Variants in FAM135B observed in about 807,000 individuals in gnomAD.
FAM135B encodes protein FAM135B.
A neutral mutation model predicts 127.7 loss-of-function variants in FAM135B; 43 were observed. The ratio of observed to expected loss-of-function variants is 0.34; its 90% confidence interval spans 0.26 to 0.43. The LOEUF is 0.43. FAM135B is among the 20% of genes least tolerant of loss of function. The probability of loss-of-function intolerance (pLI) is 1.00; values close to 1 mark genes in which losing one functional copy is unlikely to be tolerated. For missense variants in FAM135B, 1,558 were observed against 1,725.6 expected, an observed-to-expected ratio of 0.90 and a Z score of 1.72; for synonymous variants, 670 against 665.1, an observed-to-expected ratio of 1.01 and a Z score of -0.11.
At chr8:138,431,917 T>G (rs1259604694) in intron 1 of FAM135B, among the ~76,000 whole-genome samples, 1 of 152,196 alleles carries the variant, frequency 6.6e-6, no homozygotes, top group Admixed American at 6.5e-5. Context: ...AATGCCTCTC[T>G]TGGGAGGAAA....
chr8:138,212,488 TG>T (rs1427558053), intron 7 of FAM135B, among the ~76,000 whole-genome samples: 1 of 152,246 alleles, frequency 6.6e-6, no homozygotes, highest in Non-Finnish European at 1.5e-5. Flanking sequence ...CAAACACAGC[TG>T]CCCCTCTGCC....
intron 1 of FAM135B, among the ~76,000 whole-genome samples, chr8:138,377,930 T>C (rs1004497946): frequency 5.9e-5 from 9 of 152,222 alleles, no homozygotes; most frequent in African/African-American, 2.2e-4. Context: ...TGCTCAGTGT[T>C]CCAGGCAAAC....
intron 4 of FAM135B, among the ~76,000 whole-genome samples, chr8:138,261,509 C>A (rs551176280): frequency 6.0e-4 from 92 of 152,286 alleles, no homozygotes; most frequent in African/African-American, 2.1e-3. Flanking sequence ...TTTACCCCAG[C>A]CTTTATTTTC....
At chr8:138,172,238 C>T (rs1427566423) in intron 11 of FAM135B, among the ~76,000 whole-genome samples, 1 of 152,144 alleles carries the variant, frequency 6.6e-6, no homozygotes, top group Non-Finnish European at 1.5e-5. Context: ...TCTGACTCTC[C>T]AAGGCTCTGA....
intron 1 of FAM135B, among the ~76,000 whole-genome samples, chr8:138,401,673 G>A (rs896326094): frequency 1.3e-5 from 2 of 152,322 alleles, no homozygotes; most frequent in East Asian, 3.9e-4. Context: ...GAAAAGCAAT[G>A]GATGAGAATC....
chr8:138,424,415 G>A (rs1834719621), intron 1 of FAM135B, among the ~76,000 whole-genome samples: 1 of 152,174 alleles, frequency 6.6e-6, no homozygotes, highest in African/African-American at 2.4e-5. Flanking sequence ...TCCCACAACA[G>A]TGAGAAAGAC....
intron 4 of FAM135B, among the ~76,000 whole-genome samples, chr8:138,264,380 A>T (rs918600837): frequency 6.6e-6 from 1 of 152,222 alleles, no homozygotes; most frequent in East Asian, 1.9e-4. Context: ...AGTCTTGCAC[A>T]GCAGGACCAT....
intron 3 of FAM135B, among the ~76,000 whole-genome samples, chr8:138,280,298 C>CCTAG (rs2130735557): frequency 1.3e-5 from 2 of 152,318 alleles, no homozygotes; most frequent in East Asian, 3.9e-4. Flanking sequence ...GCTCTAGTAT[C>CCTAG]AGTGAACACC....
intron 2 of FAM135B, among the ~76,000 whole-genome samples, chr8:138,339,398 A>G (rs938409525): frequency 4.1e-5 from 6 of 147,290 alleles, no homozygotes; most frequent in East Asian, 4.1e-4. Context: ...AAAATCTCCA[A>G]TGTAAACTAT....
intron 1 of FAM135B, among the ~76,000 whole-genome samples, chr8:138,445,283 A>AT (rs1836063998): frequency 2.0e-5 from 3 of 152,224 alleles, no homozygotes; most frequent in Non-Finnish European, 4.4e-5. Context: ...AAAAGAGGGA[A>AT]TCCTCCCTAA....
At chr8:138,305,812 A>G (rs747893946) in intron 3 of FAM135B, among the ~76,000 whole-genome samples, 5 of 152,198 alleles carry the variant, frequency 3.3e-5, no homozygotes, top group African/African-American at 4.8e-5. Context: ...TAGAAATAAG[A>G]CAGACCAAAT....
Position 138,151,217 on chromosome 8 carries a change from C to T in FAM135B, c.3258G>A (p.Glu1086=), listed in dbSNP as rs748971592. ...ACCTAAACATCCTCTCACTGACTTCCTCATCCAACGTGCTGGAATGGGTAG... is the reference window on the plus strand; with the variant it reads ...ACCTAAACATCCTCTCACTGACTTCTTCATCCAACGTGCTGGAATGGGTAG... The part of the protein sequence containing the change: ...VVSTHSSTLD[E]EVSERMFSFY... The change falls in exon 13 of 20, where the codon GAG becomes GAA. Residue 1086 remains glutamate (E), a synonymous_variant. Coordinates refer to ENST00000395297, the MANE Select transcript of FAM135B (RefSeq NM_015912.4). 5.8e-5 allele frequency: 90 copies of T among 1,543,456 alleles called. 1 individual carries two copies. In the South Asian group the frequency reaches 1.1e-3, roughly 19 times the overall value.
chr8:138,497,029 C>A lies in FAM135B; in HGVS notation c.-378G>T, dbSNP rs1230959216. 6.6e-6 allele frequency among the ~76,000 whole-genome samples: 1 copy of A among 151,890 alleles called. No individual in the cohort carries two copies. Among genetic ancestry groups the A allele is most frequent in the Non-Finnish European group, 1.5e-5 (1 of 67,924 alleles). On this transcript the variant is annotated 5_prime_UTR_variant, in exon 1 of 20. Transcript: ENST00000395297. ...GTCAGCGCGGTCGGGGGAACGCAGC[C>A]GCCAGCGCCGCAAGAAAGCAAGGAC...
intron 12 of FAM135B, among the ~76,000 whole-genome samples, chr8:138,163,741 C>A (rs577349666): frequency 1.3e-5 from 2 of 152,204 alleles, no homozygotes; most frequent in Admixed American, 1.3e-4. Context: ...ATGTCTTTAT[C>A]AACAGCATGA....
chr8:138,372,648 C>T (rs543994153), intron 1 of FAM135B, among the ~76,000 whole-genome samples: 5 of 152,190 alleles, frequency 3.3e-5, no homozygotes, highest in African/African-American at 9.6e-5. Context: ...TATTAACATA[C>T]ATAAGGCACT....
intron 9 of FAM135B, among the ~76,000 whole-genome samples, chr8:138,183,477 T>G (rs1248940650): frequency 6.6e-6 from 1 of 152,226 alleles, no homozygotes; most frequent in Non-Finnish European, 1.5e-5. Flanking sequence ...TACAACAGCA[T>G]GCTCACAGGT....
At chr8:138,428,924 C>G (rs1302864312) in intron 1 of FAM135B, among the ~76,000 whole-genome samples, 3 of 152,168 alleles carry the variant, frequency 2.0e-5, no homozygotes, top group African/African-American at 7.2e-5. Flanking sequence ...AAACTGCCCC[C>G]AAGGGCCTAC....
chr8:138,480,140 C>A (rs2131679681), intron 1 of FAM135B, among the ~76,000 whole-genome samples: 1 of 152,338 alleles, frequency 6.6e-6, no homozygotes, highest in East Asian at 1.9e-4. Context: ...GAGTTGAGCA[C>A]TGGCTCCACC....
At chr8:138,433,944 G>T (rs936023824) in intron 1 of FAM135B, among the ~76,000 whole-genome samples, 1 of 152,186 alleles carries the variant, frequency 6.6e-6, no homozygotes, top group Non-Finnish European at 1.5e-5. Flanking sequence ...GGGAGCAGCT[G>T]CAGAAGACAC....
Sources: gnomAD v4.1 joint callset for allele counts (sites outside exome capture counted in the v4.1 genomes callset) on GRCh38, gnomAD v4.1.1 for gene constraint, MANE v1.5 for transcripts, NCBI Gene and HGNC (gene_info 2026-07-23, HGNC 2026-07-21) for gene names.